Variants in FNIP2 observed in about 807,000 individuals in gnomAD.
FNIP2 encodes folliculin interacting protein 2, also known as folliculin-interacting protein 2.
Under a neutral mutation model 108.7 loss-of-function variants are expected in FNIP2, and 32 were observed. That is an observed-to-expected ratio of 0.29 (90% CI 0.22 to 0.40). The LOEUF is 0.40. Among genes scored for constraint, FNIP2 ranks in the 10% least tolerant of loss-of-function variants. The probability of loss-of-function intolerance (pLI) is 1.00; values close to 1 mark genes in which losing one functional copy is unlikely to be tolerated. For synonymous variants in FNIP2, 480 were observed against 496.7 expected, an observed-to-expected ratio of 0.97 and a Z score of 0.45; for missense variants, 1,202 against 1,381.6, an observed-to-expected ratio of 0.87 and a Z score of 2.06.
rs970850200 is a variant in FNIP2 at position 158,826,189 on chromosome 4, C to T, written c.234+147C>T. The T allele has an allele frequency of 4.4e-5, 51 of 1,170,132 alleles. No individual in the cohort carries two copies. The East Asian group carries it at 1.1e-3, about 24-fold the overall frequency. The allele number at this position is 1,170,132 out of a possible 1,614,324, so 72.5% of individuals were successfully genotyped here. A position where few individuals can be genotyped will look rare whatever the true frequency, so the allele number is the denominator to read the frequency against. On this transcript the variant is annotated intron_variant, in intron 2 of 16. Transcript: ENST00000264433. ...GAAGAAACATAAGCAAGCATTGAATCCTTTAATCAAAGCCCTACCCCCAAC... is the reference window on the plus strand; with the variant it reads ...GAAGAAACATAAGCAAGCATTGAATTCTTTAATCAAAGCCCTACCCCCAAC...
rs781752889 is a variant in FNIP2, at chr4:158,833,583, A to G, written c.610A>G (p.Thr204Ala). ...AGATCCTAATTTGGGAAAACTGAAC[A>G]CAAATCAAAATAGTTTGGGTCCTTG... Reference protein sequence around the residue: ...NQDPNLGKLNTNQNSLGPCRT... With the variant: ...NQDPNLGKLNANQNSLGPCRT... Residue 204 changes from threonine (T) to alanine (A), a missense_variant, in exon 6 of 17, where the codon ACA becomes GCA. Thr to Ala is a moderately conservative substitution (Grantham distance 58, BLOSUM62 0). This residue lies in a region of FNIP2 where 878 missense variants were observed against 990.3 expected (regional missense o/e 0.89). Coordinates refer to ENST00000264433, the MANE Select transcript of FNIP2 (RefSeq NM_020840.3). The G allele has an allele frequency of 5.6e-6, 9 of 1,611,044 alleles. No individual in the cohort carries two copies. Among genetic ancestry groups the G allele is most frequent in the Non-Finnish European group, 5.9e-6 (7 of 1,179,150 alleles).
chr4:158,780,650 A>T (rs1036420479), intron 1 of FNIP2, among the ~76,000 whole-genome samples: 1 of 152,206 alleles, frequency 6.6e-6, no homozygotes, highest in Admixed American at 6.5e-5. Context: ...GCTCTTATTA[A>T]TATATGATCT....
chr4:158,879,247 G>C (rs1289518039), intron 14 of FNIP2, among the ~76,000 whole-genome samples: 1 of 150,576 alleles, frequency 6.6e-6, no homozygotes, highest in Non-Finnish European at 1.5e-5. Flanking sequence ...ACTCTTAGAA[G>C]TAGCTAGAGA....
chr4:158,904,355 A>G, intron 16 of FNIP2, 111 bp from the exon 17 acceptor site: 3 of 925,008 alleles, frequency 3.2e-6, no homozygotes, highest in Non-Finnish European at 5.0e-6. Flanking sequence ...TTAAATGATA[A>G]TCTATCAAAC....
chr4:158,900,935 G>T (rs962210892), intron 16 of FNIP2, among the ~76,000 whole-genome samples: 2 of 152,068 alleles, frequency 1.3e-5, no homozygotes, highest in Admixed American at 6.5e-5. Flanking sequence ...AGTGTTGATG[G>T]TCTTTACAAT....
intron 2 of FNIP2, among the ~76,000 whole-genome samples, chr4:158,828,631 A>G (rs1036413247): frequency 6.6e-6 from 1 of 152,044 alleles, no homozygotes; most frequent in Non-Finnish European, 1.5e-5. Context: ...AAACAAACAA[A>G]CAAAAAACCC....
At chr4:158,889,847 A>G (rs1782196923) in intron 14 of FNIP2, 1 of 985,064 alleles carries the variant, frequency 1.0e-6, no homozygotes, top group South Asian at 4.7e-5. Flanking sequence ...ATTGATGGCA[A>G]GTCGTCATCA....
chr4:158,779,943 T>A (rs1775983834), intron 1 of FNIP2, among the ~76,000 whole-genome samples: 1 of 151,960 alleles, frequency 6.6e-6, no homozygotes, highest in Non-Finnish European at 1.5e-5. Context: ...GCACGGTGGC[T>A]CATGTTTGTA....
intron 12 of FNIP2, among the ~76,000 whole-genome samples, chr4:158,862,043 C>T (rs756437371): frequency 1.2e-4 from 18 of 152,160 alleles, no homozygotes; most frequent in Admixed American, 8.5e-4. Flanking sequence ...CACCCTAGAG[C>T]AGGATTTCTT....
chr4:158,821,434 G>A (rs1777876571), intron 1 of FNIP2, among the ~76,000 whole-genome samples: 1 of 152,340 alleles, frequency 6.6e-6, no homozygotes, highest in East Asian at 1.9e-4. Flanking sequence ...CCAGTCATAT[G>A]AAGAGATGTC....
rs1414624464 is a variant in FNIP2, at chr4:158,905,569, A to G, written c.*1025A>G. On this transcript the variant is annotated 3_prime_UTR_variant, in exon 17 of 17. Transcript: ENST00000264433. Reference sequence around the variant, plus strand: ...TTGAACATTTAGAAAAAATTCATATATGATCTAAATTTTTATATTATCATT... The same window carrying G: ...TTGAACATTTAGAAAAAATTCATATGTGATCTAAATTTTTATATTATCATT... 6.6e-6 allele frequency: 1 copy of G among 152,144 alleles called. No individual in the cohort carries two copies. The highest frequency in any genetic ancestry group is 1.5e-5 in the Non-Finnish European group (1 of 68,030). 9.4% of individuals were successfully genotyped at this position (152,144 alleles called of 1,614,324 possible).
chr4:158,903,425 C>A (rs1420670302), intron 16 of FNIP2, among the ~76,000 whole-genome samples: 2 of 152,152 alleles, frequency 1.3e-5, no homozygotes, highest in African/African-American at 4.8e-5. Flanking sequence ...CCTATTCGGC[C>A]GTCTTGCCTT....
chr4:158,878,862 TG>T (rs1553964641), intron 14 of FNIP2, among the ~76,000 whole-genome samples: 7 of 151,190 alleles, frequency 4.6e-5, no homozygotes, highest in Admixed American at 6.6e-5. Context: ...TTTAGATTCA[TG>T]TAAGAACTAA....
intron 1 of FNIP2, among the ~76,000 whole-genome samples, chr4:158,770,209 A>G (rs931592923): frequency 1.3e-5 from 2 of 152,132 alleles, no homozygotes; most frequent in African/African-American, 4.8e-5. Flanking sequence ...TAAAATCCCT[A>G]TGCTATTCTG....
At chr4:158,884,652 A>C (rs1781917142) in intron 14 of FNIP2, among the ~76,000 whole-genome samples, 1 of 152,154 alleles carries the variant, frequency 6.6e-6, no homozygotes, top group Non-Finnish European at 1.5e-5. Context: ...TCCCACTTTC[A>C]CACAACTGTA....
chr4:158,899,567 G>C (rs955633869), intron 16 of FNIP2, among the ~76,000 whole-genome samples: 7 of 152,176 alleles, frequency 4.6e-5, no homozygotes, highest in African/African-American at 9.6e-5. Flanking sequence ...CTTCTTCCTA[G>C]TTTAGACTTG....
chr4:158,889,810 T>C, intron 14 of FNIP2: 1 of 983,686 alleles, frequency 1.0e-6, no homozygotes, highest in Non-Finnish European at 1.2e-6. Context: ...ATTTCCTTTT[T>C]TTTTTTTTTC....
At chr4:158,810,018 A>G (rs967938317) in intron 1 of FNIP2, among the ~76,000 whole-genome samples, 1 of 152,186 alleles carries the variant, frequency 6.6e-6, no homozygotes, top group Admixed American at 6.5e-5. Context: ...TGATTTTATG[A>G]CCAGTCTTTA....
chr4:158,773,251 A>G (rs1203845836), intron 1 of FNIP2, among the ~76,000 whole-genome samples: 2 of 152,188 alleles, frequency 1.3e-5, no homozygotes, highest in African/African-American at 2.4e-5. Context: ...CCTTGGATCT[A>G]TTGGCACACT....
Sources: allele counts gnomAD v4.1 joint callset (sites outside exome capture counted in the v4.1 genomes callset), GRCh38; gene constraint gnomAD v4.1.1; regional missense constraint gnomAD v4.1.1; transcripts MANE v1.5; gene names NCBI Gene and HGNC (gene_info 2026-07-23, HGNC 2026-07-21).